Variants in NAALADL2 observed in about 807,000 individuals in gnomAD.
NAALADL2 encodes inactive N-acetylated-alpha-linked acidic dipeptidase-like protein 2.
NAALADL2 carries 76 observed loss-of-function variants against 87.2 expected under a neutral mutation model. That is an observed-to-expected ratio of 0.87 (90% confidence interval 0.72 to 1.05). The LOEUF is 1.05. Ranked by LOEUF, NAALADL2 falls within the 50% of genes least tolerant of loss-of-function variation. The probability of loss-of-function intolerance (pLI) is 0.00; values close to 1 mark genes in which losing one functional copy is unlikely to be tolerated. For missense variants in NAALADL2, 1,089 were observed against 945.8 expected, an observed-to-expected ratio of 1.15 and a Z score of -1.99; for synonymous variants, 354 against 331.0, an observed-to-expected ratio of 1.07 and a Z score of -0.75.
Position 175,039,515 on chromosome 3 carries a change from T to A in NAALADL2, c.44-57275T>A, listed in dbSNP as rs554925430. Among the ~76,000 whole-genome samples the A allele has an allele frequency of 1.7e-4, 26 of 152,200 alleles. 1 individual carries two copies. Among genetic ancestry groups the A allele is most frequent in the Middle Eastern group, 3.2e-3 (1 of 316 alleles). ...TCGTATGCAGGCAGGCAGTGTCTTC[T>A]GAGACCTGGACAATAGGGTTATGTA... On this transcript the variant is annotated intron_variant, in intron 1 of 13. Transcript: ENST00000454872.
chr3:175,230,098 C>T (rs1471124336), intron 2 of NAALADL2, among the ~76,000 whole-genome samples: 2 of 151,882 alleles, frequency 1.3e-5, no homozygotes, highest in African/African-American at 2.4e-5. Flanking sequence ...ACAAGGGGTA[C>T]TAGGACTCAT....
At chr3:174,870,961 C>A (rs888693215) in intron 1 of NAALADL2, among the ~76,000 whole-genome samples, 1 of 152,022 alleles carries the variant, frequency 6.6e-6, no homozygotes, top group African/African-American at 2.4e-5. Context: ...TCCTACCTAC[C>A]CTCACACTCT....
At chr3:175,764,621 T>TAAAC (rs60719814) in intron 13 of NAALADL2, among the ~76,000 whole-genome samples, 43,443 of 151,724 alleles carry the variant, frequency 0.29, 7,351 homozygotes, top group African/African-American at 0.47. Context: ...TAACCAAGAA[T>TAAAC]AAAGAAAGCA....
intron 2 of NAALADL2, among the ~76,000 whole-genome samples, chr3:175,202,785 T>C (rs1013120281): frequency 6.6e-6 from 1 of 151,880 alleles, no homozygotes; most frequent in Non-Finnish European, 1.5e-5. Context: ...CTTGGGTGGG[T>C]CTTGCTGTGG....
chr3:175,682,253 A>G (rs2149885688), intron 11 of NAALADL2, among the ~76,000 whole-genome samples: 1 of 152,236 alleles, frequency 6.6e-6, no homozygotes, highest in East Asian at 1.9e-4. Flanking sequence ...TTCTATGTAG[A>G]AAAAATTGTT....
chr3:175,063,578 G>A (rs916867968), intron 1 of NAALADL2, among the ~76,000 whole-genome samples: 1 of 152,074 alleles, frequency 6.6e-6, no homozygotes, highest in African/African-American at 2.4e-5. Flanking sequence ...CTGAGCCCAA[G>A]CAGTCCTCTT....
At chr3:175,254,812 G>T (rs1264768205) in intron 3 of NAALADL2, among the ~76,000 whole-genome samples, 1 of 152,004 alleles carries the variant, frequency 6.6e-6, no homozygotes, top group Non-Finnish European at 1.5e-5. Flanking sequence ...TGTATTAAAG[G>T]CACTGATTTA....
chr3:174,745,109 G>T (rs2109020134), intron 3 of NAALADL2, among the ~76,000 whole-genome samples: 1 of 152,148 alleles, frequency 6.6e-6, no homozygotes, highest in Non-Finnish European at 1.5e-5. Context: ...GAGTGGAACT[G>T]AAGGAGATAG....
At chr3:174,585,062 T>C (rs188318154) in intron 2 of NAALADL2, among the ~76,000 whole-genome samples, 2 of 152,102 alleles carry the variant, frequency 1.3e-5, no homozygotes, top group African/African-American at 4.8e-5. Flanking sequence ...TCTGTATATA[T>C]AAGAATAACA....
intron 11 of NAALADL2, among the ~76,000 whole-genome samples, chr3:175,670,955 T>G (rs1484416831): frequency 6.6e-6 from 1 of 151,532 alleles, no homozygotes; most frequent in Non-Finnish European, 1.5e-5. Flanking sequence ...GTAAATTACC[T>G]TATTTTGATC....
intron 10 of NAALADL2, among the ~76,000 whole-genome samples, chr3:175,607,993 G>C (rs968320830): frequency 6.6e-6 from 1 of 151,252 alleles, no homozygotes; most frequent in African/African-American, 2.4e-5. Context: ...AAAAACTCAA[G>C]GGCAATAATG....
At chr3:174,965,916 T>C (rs1742797398) in intron 1 of NAALADL2, among the ~76,000 whole-genome samples, 1 of 152,064 alleles carries the variant, frequency 6.6e-6, no homozygotes, top group African/African-American at 2.4e-5. Context: ...GATTTGATGA[T>C]AGAGGAAGTA....
intron 1 of NAALADL2, among the ~76,000 whole-genome samples, chr3:174,878,880 G>C (rs1728841752): frequency 1.3e-5 from 2 of 152,018 alleles, no homozygotes. Context: ...AAAAGAATGT[G>C]TATAGTGAAG....
At chr3:175,316,744 T>G (rs1435876583) in intron 4 of NAALADL2, among the ~76,000 whole-genome samples, 1 of 152,172 alleles carries the variant, frequency 6.6e-6, no homozygotes, top group African/African-American at 2.4e-5. Context: ...GTAGCATATT[T>G]TTTCTGAACA....
Position 175,779,357 on chromosome 3 carries a change from A to C in NAALADL2, c.2190-23648A>C, listed in dbSNP as rs75190627. 1.2e-4 allele frequency among the ~76,000 whole-genome samples: 19 copies of C among 152,326 alleles called. No homozygotes were observed. The East Asian group carries it at 3.5e-3, about 28-fold the overall frequency. On this transcript the variant is annotated intron_variant, in intron 13 of 13. Coordinates refer to ENST00000454872, the MANE Select transcript of NAALADL2 (RefSeq NM_207015.3). ...ACATGGGAAACAGCATGAACTGTAC[A>C]CTTAGATGAACATAATTTTGATACT... is the stretch of plus-strand genomic sequence containing the variant.
chr3:174,809,459 T>A (rs912298436), intron 3 of NAALADL2, among the ~76,000 whole-genome samples: 1 of 152,204 alleles, frequency 6.6e-6, no homozygotes, highest in African/African-American at 2.4e-5. Context: ...CAATTTCACT[T>A]TGTAATAGCA....
At chr3:175,056,073 A>C (rs73038468) in intron 1 of NAALADL2, among the ~76,000 whole-genome samples, 30,498 of 152,004 alleles carry the variant, frequency 0.2, 3,766 homozygotes, top group African/African-American at 0.34. Context: ...AGTGGTCGCC[A>C]AAGGTGCTGC....
chr3:175,644,180 C>A (rs1437875884), intron 11 of NAALADL2, among the ~76,000 whole-genome samples: 2 of 152,070 alleles, frequency 1.3e-5, no homozygotes, highest in African/African-American at 4.8e-5. Flanking sequence ...TTTATATACT[C>A]TGGCTATAAA....
At position 174,853,687 on chromosome 3, in the gene NAALADL2, TA is replaced by T. The variant is rs201386599; in HGVS notation, c.-9+115950del. Among the ~76,000 whole-genome samples the T allele has an allele frequency of 3.7e-3, 552 of 151,152 alleles. 3 individuals carry two copies. The highest frequency in any genetic ancestry group is 0.013 in the African/African-American group (528 of 41,214). On this transcript the variant is annotated intron_variant, in intron 3 of 3. Coordinates refer to the NAALADL2 transcript ENST00000434257. Reference sequence around the variant, plus strand: ...AAGAGCTCTAACAACTGAATAGCAATAAAAAAAAATCTGATTTTAAAATGGG... The same window carrying T: ...AAGAGCTCTAACAACTGAATAGCAATAAAAAAAATCTGATTTTAAAATGGG...
Sources: gnomAD v4.1 joint callset for allele counts (sites outside exome capture counted in the v4.1 genomes callset) on GRCh38, gnomAD v4.1.1 for gene constraint, MANE v1.5 for transcripts, NCBI Gene and HGNC (gene_info 2026-07-23, HGNC 2026-07-21) for gene names.